The following KCNIP4 variants were observed in gnomAD, a reference collection of about 807,000 sequenced individuals.
KCNIP4 encodes potassium voltage-gated channel interacting protein 4.
A neutral mutation model predicts 34.0 loss-of-function variants in KCNIP4; 12 were observed. That is an observed-to-expected ratio of 0.35 (90% CI 0.23 to 0.57). KCNIP4 has a LOEUF of 0.57. Ranked by LOEUF, KCNIP4 falls within the 20% of genes least tolerant of loss-of-function variation. The probability of loss-of-function intolerance (pLI) is 0.83; values close to 1 mark genes in which losing one functional copy is unlikely to be tolerated. For missense variants in KCNIP4, 238 were observed against 311.7 expected, an observed-to-expected ratio of 0.76 and a Z score of 1.78; for synonymous variants, 124 against 102.2, an observed-to-expected ratio of 1.21 and a Z score of -1.29.
intron 1 of KCNIP4, among the ~76,000 whole-genome samples, chr4:21,561,065 G>A (rs773883915): frequency 7.2e-5 from 11 of 151,952 alleles, no homozygotes; most frequent in Non-Finnish European, 1.3e-4. Context: ...AAATTGCGTG[G>A]GGAAAAATAA....
At position 21,905,630 on chromosome 4, in the gene KCNIP4, TCTCA is replaced by T. The variant is rs1231735731; in HGVS notation, c.61+42937_61+42940del. On this transcript the variant is annotated intron_variant, in intron 1 of 8. Transcript: ENST00000382152. ...GGACAAAAAACCAAACACCGGATGT[TCTCA>T]CTCATAGGCTATCACTTCCTTCGGG... 2.6e-5 allele frequency among the ~76,000 whole-genome samples: 4 copies of T among 152,114 alleles called. No homozygotes were observed. The East Asian group carries it at 7.7e-4, about 29-fold the overall frequency.
chr4:21,592,191 A>T lies in KCNIP4; in HGVS notation c.61+356380T>A, dbSNP rs73109878. Among the ~76,000 whole-genome samples, 570 of 152,240 alleles carry T rather than the reference A, an allele frequency of 3.7e-3. 4 individuals carry two copies. The highest frequency in any genetic ancestry group is 0.013 in the African/African-American group (546 of 41,570). ...AAGAAAAAGGAAGGGAAAAATCAGC[A>T]AAGAGATAACATCTGTTTTTTTGTG... On this transcript the variant is annotated intron_variant, in intron 1 of 8. Transcript: ENST00000382152.
intron 1 of KCNIP4, among the ~76,000 whole-genome samples, chr4:21,189,160 T>C (rs1253064867): frequency 6.6e-6 from 1 of 152,244 alleles, no homozygotes; most frequent in East Asian, 1.9e-4. Flanking sequence ...CCAAGTGTTT[T>C]ATAAATAATT....
chr4:21,279,282 T>A (rs1762631563), intron 1 of KCNIP4, among the ~76,000 whole-genome samples: 1 of 152,120 alleles, frequency 6.6e-6, no homozygotes, highest in Non-Finnish European at 1.5e-5. Context: ...AAGTTGCTGC[T>A]TTTCTGGTTT....
chr4:21,150,281 A>ATGTGTGTGTTTGC lies in KCNIP4; in HGVS notation c.62-267573_62-267572insGCAAACACACACA, dbSNP rs1752666444. On this transcript the variant is annotated intron_variant, in intron 1 of 8. Transcript: ENST00000382152. ...CTGATTTAAGGATAATGGGAGTGTT[A>ATGTGTGTGTTTGC]ATGAGGGTAATGCTTGGCTCCATTT... 5.7e-4 allele frequency among the ~76,000 whole-genome samples: 86 copies of ATGTGTGTGTTTGC among 151,620 alleles called. 8 individuals are homozygous for ATGTGTGTGTTTGC. Among genetic ancestry groups the ATGTGTGTGTTTGC allele is most frequent in the African/African-American group, 2.0e-3 (83 of 40,910 alleles).
At chr4:21,031,099 T>A (rs1406954328) in intron 1 of KCNIP4, among the ~76,000 whole-genome samples, 1 of 152,084 alleles carries the variant, frequency 6.6e-6, no homozygotes, top group Non-Finnish European at 1.5e-5. Context: ...TCCAAGAGGG[T>A]CCTCAAAAGA....
chr4:21,698,515 TTGGGA>T (rs1553922296), intron 1 of KCNIP4, among the ~76,000 whole-genome samples: 1 of 152,162 alleles, frequency 6.6e-6, no homozygotes, highest in Non-Finnish European at 1.5e-5. Flanking sequence ...TTTTAAGACA[TTGGGA>T]TAGAGGCAGT....
chr4:21,044,203 T>A (rs921029699), intron 1 of KCNIP4, among the ~76,000 whole-genome samples: 5 of 152,160 alleles, frequency 3.3e-5, no homozygotes, highest in Non-Finnish European at 5.9e-5. Flanking sequence ...CACATCACTG[T>A]TGTAGGATGC....
At chr4:21,449,483 T>C (rs146543890) in intron 1 of KCNIP4, among the ~76,000 whole-genome samples, 1,704 of 152,178 alleles carry the variant, frequency 0.011, 32 homozygotes, top group African/African-American at 0.039. Flanking sequence ...TAATTTGTTA[T>C]AGCAGCCACA....
chr4:21,459,207 C>A (rs978369635), intron 1 of KCNIP4, among the ~76,000 whole-genome samples: 1 of 152,074 alleles, frequency 6.6e-6, no homozygotes, highest in African/African-American at 2.4e-5. Context: ...TGGCTTTCAC[C>A]TTTGTACTCA....
At chr4:20,893,462 G>A (rs961963965) in intron 1 of KCNIP4, among the ~76,000 whole-genome samples, 7 of 151,754 alleles carry the variant, frequency 4.6e-5, no homozygotes, top group African/African-American at 9.7e-5. Flanking sequence ...TCACTCTTTC[G>A]CCCAGGCTGG....
At chr4:21,228,770 T>G (rs890814241) in intron 1 of KCNIP4, among the ~76,000 whole-genome samples, 3 of 152,186 alleles carry the variant, frequency 2.0e-5, no homozygotes, top group African/African-American at 7.2e-5. Flanking sequence ...ATAACACTTT[T>G]GTTCTTTTGT....
intron 1 of KCNIP4, among the ~76,000 whole-genome samples, chr4:21,209,341 G>A (rs1277510749): frequency 1.3e-5 from 2 of 151,990 alleles, no homozygotes; most frequent in Admixed American, 6.6e-5. Context: ...TAAAACACTA[G>A]AACTTATTCC....
intron 3 of KCNIP4, among the ~76,000 whole-genome samples, chr4:20,778,826 G>A (rs1217003475): frequency 6.6e-6 from 1 of 152,154 alleles, no homozygotes; most frequent in Non-Finnish European, 1.5e-5. Flanking sequence ...TTATGTAAGA[G>A]TATAAGAATG....
At chr4:21,046,855 A>C (rs1183344356) in intron 1 of KCNIP4, among the ~76,000 whole-genome samples, 1 of 152,114 alleles carries the variant, frequency 6.6e-6, no homozygotes. Context: ...GGCCTTCCAA[A>C]GTGCTGGGAT....
At chr4:21,709,452 C>T (rs1431592762) in intron 1 of KCNIP4, among the ~76,000 whole-genome samples, 1 of 152,140 alleles carries the variant, frequency 6.6e-6, no homozygotes, top group Non-Finnish European at 1.5e-5. Context: ...GATAGAATAC[C>T]TGAAGGAGAC....
chr4:21,400,521 T>TCCCCTCCCC (rs1560369229), intron 1 of KCNIP4, among the ~76,000 whole-genome samples: 39 of 36,398 alleles, frequency 1.1e-3, no homozygotes, highest in East Asian at 6.4e-3. Context: ...TCCTCTTCTC[T>TCCCCTCCCC]TCTCTTCTCT....
intron 3 of KCNIP4, among the ~76,000 whole-genome samples, chr4:20,764,526 A>G (rs916865041): frequency 1.3e-5 from 2 of 152,080 alleles, no homozygotes; most frequent in Non-Finnish European, 2.9e-5. Flanking sequence ...CCAGAAGGAG[A>G]ATCGTAAGAC....
intron 1 of KCNIP4, among the ~76,000 whole-genome samples, chr4:21,833,845 G>A (rs1362810325): frequency 6.6e-6 from 1 of 152,168 alleles, no homozygotes; most frequent in Non-Finnish European, 1.5e-5. Flanking sequence ...TTATTAAATA[G>A]GGAATCCTTT....
Sources: allele counts gnomAD v4.1 joint callset (sites outside exome capture counted in the v4.1 genomes callset), GRCh38; gene constraint gnomAD v4.1.1; transcripts MANE v1.5; gene names NCBI Gene and HGNC (gene_info 2026-07-23, HGNC 2026-07-21).